EMC1: variants seen among roughly 807,000 people sequenced by gnomAD.
EMC1 encodes the protein KIAA0090.
EMC1 carries 103 observed loss-of-function variants against 128.8 expected under a neutral mutation model. The ratio of observed to expected loss-of-function variants is 0.80; its 90% CI spans 0.68 to 0.94. The LOEUF (loss-of-function observed/expected upper bound fraction) is 0.94. Ranked by LOEUF, EMC1 falls within the 40% of genes least tolerant of loss-of-function variation. The pLI, the probability that EMC1 is intolerant of heterozygous loss-of-function variation, is 0.00. For synonymous variants in EMC1, 442 were observed against 490.4 expected (o/e 0.90, Z 1.30); for missense variants, 1,083 against 1,250.6 (o/e 0.87, Z 2.02).
rs780412663 is a variant in EMC1, at chr1:19,243,966, C to T, written c.270G>A (p.Met90Ile). 1.2e-6 allele frequency: 2 copies of T among 1,614,178 alleles called. No individual in the cohort carries two copies. Among genetic ancestry groups the T allele is most frequent in the East Asian group, 2.2e-5 (1 of 44,888 alleles). Residue 90 changes from methionine to isoleucine, a missense_variant, in exon 3 of 23, where the codon ATG becomes ATA. Met to Ile is a conservative substitution (Grantham distance 10). Transcript: ENST00000477853. ...KGTAEGAVDAMLLHGQDVITV... is the reference protein window; with the variant it reads ...KGTAEGAVDAILLHGQDVITV... The stretch of plus-strand genomic sequence containing the variant: ...TCTGCTTACCCTGTCCGTGCAGCAG[C>T]ATGGCATCCACAGCCCCTTCTGCCG...
intron 13 of EMC1, among the ~76,000 whole-genome samples, chr1:19,234,751 C>T (rs2093550434): frequency 6.6e-6 from 1 of 151,968 alleles, no homozygotes. Flanking sequence ...GAGGCTGAGG[C>T]AGGAGAGCTG....
Position 19,219,023 on chromosome 1 carries a change from G to A in EMC1, c.*280C>T, listed in dbSNP as rs2093411536. On this transcript the variant is annotated 3_prime_UTR_variant, in exon 23 of 23. Coordinates refer to ENST00000477853, the MANE Select transcript of EMC1 (RefSeq NM_015047.3). ...AACAGAACATTCATGGATGGGCAAA[G>A]AAAGGAAACAATGCAGACGCCTTTG... is the stretch of plus-strand genomic sequence containing the variant. 3.2e-6 allele frequency: 1 copy of A among 316,582 alleles called. No individual in the cohort carries two copies. The highest frequency in any genetic ancestry group is 5.8e-6 in the Non-Finnish European group (1 of 171,104). The allele number at this position is 316,582 out of a possible 1,614,324, so 19.6% of individuals were successfully genotyped here.
Position 19,238,002 on chromosome 1 carries a change from A to C in EMC1, c.1212+15T>G. On this transcript the variant is annotated intron_variant, in intron 11 of 22. Coordinates refer to ENST00000477853, the MANE Select transcript of EMC1 (RefSeq NM_015047.3). Reference sequence around the variant, plus strand: ...AAGCCCACAGGACAGTCTGCAAAGAAAGGCTCTGCCTTACCCGCTCAGGCC... The same window carrying C: ...AAGCCCACAGGACAGTCTGCAAAGACAGGCTCTGCCTTACCCGCTCAGGCC... 6.2e-7 allele frequency: 1 copy of C among 1,612,354 alleles called. No individual in the cohort carries two copies. The highest frequency in any genetic ancestry group is 8.5e-7 in the Non-Finnish European group (1 of 1,179,306).
intron 10 of EMC1, among the ~76,000 whole-genome samples, chr1:19,238,493 T>C (rs112286477): frequency 6.6e-6 from 1 of 152,176 alleles, no homozygotes; most frequent in Non-Finnish European, 1.5e-5. Flanking sequence ...CAGGGGCTCA[T>C]GCCTCTGCTA....
At chr1:19,230,308 C>T (rs766026983) in intron 17 of EMC1, among the ~76,000 whole-genome samples, 15 of 152,212 alleles carry the variant, frequency 9.9e-5, no homozygotes, top group African/African-American at 3.4e-4. Context: ...CGGTGGCTCA[C>T]GCCTGTAATC....
At position 19,218,076 on chromosome 1, in the gene EMC1, G is replaced by C. The variant is rs995017298; in HGVS notation, c.*1227C>G. Reference sequence around the variant, plus strand: ...AAATGATCTTCTAAGACACAAAAGAGGACTTAAACAGTGTCATTTGTCACT... The same window carrying C: ...AAATGATCTTCTAAGACACAAAAGACGACTTAAACAGTGTCATTTGTCACT... On this transcript the variant is annotated 3_prime_UTR_variant, in exon 23 of 23. Coordinates refer to ENST00000477853, the MANE Select transcript of EMC1 (RefSeq NM_015047.3). 4.6e-5 allele frequency: 7 copies of C among 152,160 alleles called. No individual in the cohort carries two copies. Among genetic ancestry groups the C allele is most frequent in the Admixed American group, 3.3e-4 (5 of 15,284 alleles). 9.4% of individuals were successfully genotyped at this position (152,160 alleles called of 1,614,324 possible). A position where few individuals can be genotyped will look rare whatever the true frequency, so the allele number is the denominator to read the frequency against.
Position 19,241,008 on chromosome 1 carries a change from TC to T in EMC1, c.636+7del. 1 of 1,614,014 alleles carries T rather than the reference TC, an allele frequency of 6.2e-7. No homozygotes were observed. The highest frequency in any genetic ancestry group is 2.2e-5 in the East Asian group (1 of 44,890). On this transcript the variant is annotated splice_region_variant and intron_variant, in intron 6 of 22. Coordinates refer to ENST00000477853, the MANE Select transcript of EMC1 (RefSeq NM_015047.3). The stretch of plus-strand genomic sequence containing the variant: ...CCTTATTCACAGGCTCCTGTCACCC[TC>T]CTGTACCTGCTGAACAATCTCTCCA...
intron 12 of EMC1, 97 bp downstream of exon 12, chr1:19,237,045 T>C (rs2093570545): frequency 1.3e-6 from 1 of 766,424 alleles, no homozygotes; most frequent in Non-Finnish European, 2.3e-6. Flanking sequence ...CACTTGAATC[T>C]CTTCCAGAAA....
At chr1:19,250,264 T>C (rs1226487238) in intron 1 of EMC1, among the ~76,000 whole-genome samples, 1 of 149,860 alleles carries the variant, frequency 6.7e-6, no homozygotes, top group Non-Finnish European at 1.5e-5. Flanking sequence ...AACAGAGTCC[T>C]TTTCCCCCCT....
intron 1 of EMC1, among the ~76,000 whole-genome samples, chr1:19,246,046 A>G (rs1222941975): frequency 6.6e-6 from 1 of 151,554 alleles, no homozygotes; most frequent in South Asian, 2.1e-4. Flanking sequence ...TCGAGGCTGC[A>G]GTGAGCCGAG....
chr1:19,217,413 G>A lies in EMC1; in HGVS notation c.*1890C>T, dbSNP rs1291547378. ...AAATACAAAAAATTAGCTGAGCGTG[G>A]TGGCACATGCCTATAGTCCCAGCTG... is the stretch of plus-strand genomic sequence containing the variant. On this transcript the variant is annotated 3_prime_UTR_variant, in exon 23 of 23. Coordinates refer to ENST00000477853, the MANE Select transcript of EMC1 (RefSeq NM_015047.3). The A allele has an allele frequency of 6.6e-6, 1 of 152,180 alleles. No individual in the cohort carries two copies. Among genetic ancestry groups the A allele is most frequent in the Non-Finnish European group, 1.5e-5 (1 of 68,124 alleles). 9.4% of individuals were successfully genotyped at this position (152,180 alleles called of 1,614,324 possible).
intron 21 of EMC1, chr1:19,219,971 C>G: frequency 2.4e-6 from 1 of 414,740 alleles, no homozygotes; most frequent in South Asian, 3.5e-5. Context: ...CACTTCACAC[C>G]ACAAGAGGAA....
chr1:19,222,806 C>T lies in EMC1; in HGVS notation c.2405G>A (p.Arg802His), dbSNP rs1313822295. The T allele has an allele frequency of 5.0e-6, 8 of 1,612,292 alleles. No homozygotes were observed. Among genetic ancestry groups the T allele is most frequent in the African/African-American group, 4.0e-5 (3 of 74,874 alleles). Residue 802 changes from arginine to histidine, a missense_variant, in exon 20 of 23, where the codon CGC (arginine) becomes CAC (histidine). Physicochemically the swap from Arg to His is conservative, Grantham distance 29. Coordinates refer to ENST00000477853, the MANE Select transcript of EMC1 (RefSeq NM_015047.3). ...GAGCTCCAGTACGGTAAACTCGTTG[C>T]GCCGAGCCTTGGTGTTCCAGTACTG... ...VYQYWNTKAR[R>H]NEFTVLELYE...
In EMC1 at chr1:19,244,943, A is replaced by G; in HGVS notation, c.183T>C (p.Asn61=). 2 of 1,613,930 alleles carry G rather than the reference A, an allele frequency of 1.2e-6. No homozygotes were observed. Among genetic ancestry groups the G allele is most frequent in the African/African-American group, 1.3e-5 (1 of 75,008 alleles). The change falls in exon 2 of 23, where the codon AAT becomes AAC. Residue 61 remains asparagine (N), a synonymous_variant. Transcript: ENST00000477853. ...SKKLVVATEK[N]VIAALNSRTG... is the part of the protein sequence containing the mutation. ...TTCGGGAATTTAATGCTGCAATCAC[A>G]TTCTTCTCTGTGGCTACAACCAACT...
intron 10 of EMC1, 116 bp from the exon 11 acceptor site, chr1:19,238,255 A>G: frequency 2.7e-6 from 3 of 1,123,538 alleles, no homozygotes; most frequent in Non-Finnish European, 3.8e-6. Context: ...CCAGAAGGGG[A>G]AATATATGCA....
Position 19,243,711 on chromosome 1 carries a change from G to A in EMC1, c.287-4C>T, listed in dbSNP as rs2093618522. Reference sequence around the variant, plus strand: ...CCATTGGACACAGTGATCACATCTGGAAAAGAAAAGATCGTGGTGAAGTCA... The same window carrying A: ...CCATTGGACACAGTGATCACATCTGAAAAAGAAAAGATCGTGGTGAAGTCA... On this transcript the variant is annotated splice_region_variant and splice_polypyrimidine_tract_variant and intron_variant, in intron 3 of 22. Coordinates refer to ENST00000477853, the MANE Select transcript of EMC1 (RefSeq NM_015047.3). 1.9e-6 allele frequency: 3 copies of A among 1,613,936 alleles called. No homozygotes were observed. Among genetic ancestry groups the A allele is most frequent in the East Asian group, 4.5e-5 (2 of 44,884 alleles).
At chr1:19,242,017 C>CAGAACT (rs1319843853) in intron 5 of EMC1, among the ~76,000 whole-genome samples, 1 of 152,128 alleles carries the variant, frequency 6.6e-6, no homozygotes, top group Non-Finnish European at 1.5e-5. Flanking sequence ...AAGGCTCAGT[C>CAGAACT]AGAACTAGAA....
chr1:19,225,619 C>T (rs575010086), intron 18 of EMC1, among the ~76,000 whole-genome samples: 11 of 152,008 alleles, frequency 7.2e-5, no homozygotes, highest in Admixed American at 1.3e-4. Flanking sequence ...TGCACTCCAG[C>T]CTGGTGAAAG....
chr1:19,233,703 T>C (rs1175699151), intron 13 of EMC1, among the ~76,000 whole-genome samples: 1 of 152,180 alleles, frequency 6.6e-6, no homozygotes, highest in East Asian at 1.9e-4. Flanking sequence ...ATCTCCTCCA[T>C]TGGAGACCAC....
Sources: allele counts gnomAD v4.1 joint callset (sites outside exome capture counted in the v4.1 genomes callset), GRCh38; gene constraint gnomAD v4.1.1; transcripts MANE v1.5; gene names NCBI Gene and HGNC (gene_info 2026-07-23, HGNC 2026-07-21).